The following SCGB1D1 variants were observed in gnomAD, a reference collection of about 807,000 sequenced individuals.
The protein encoded by SCGB1D1 is secretoglobin family 1D member 1, also known as lipophilin A (uteroglobin family member).
SCGB1D1 carries 10 observed loss-of-function variants against 8.3 expected under a neutral mutation model. The ratio of observed to expected loss-of-function variants is 1.21; its 90% CI spans 0.74 to 2.05. The LOEUF is 2.05. Ranked by LOEUF, SCGB1D1 falls within the 30% of genes most tolerant of loss-of-function variation. The probability of loss-of-function intolerance (pLI) is 0.00; values close to 1 mark genes in which losing one functional copy is unlikely to be tolerated. For missense variants in SCGB1D1, 94 were observed against 105.1 expected, an observed-to-expected ratio of 0.89 and a Z score of 0.46; for synonymous variants, 46 against 41.7, an observed-to-expected ratio of 1.10 and a Z score of -0.39.
intron 2 of SCGB1D1, 23 bp downstream of exon 2, chr11:62,192,266 G>A (rs377120339): frequency 1.1e-4 from 173 of 1,588,698 alleles, no homozygotes; most frequent in Non-Finnish European, 1.4e-4. Flanking sequence ...TCTTTCATGT[G>A]TCCAGGCTTC....
Position 62,193,446 on chromosome 11 carries a change from A to G in SCGB1D1, c.*18A>G. ...ATCGCTGAGATGTAAAAAGTTTTTA[A>G]TGCTAGTTTCCACCATCTTTCAATG... On this transcript the variant is annotated 3_prime_UTR_variant, in exon 3 of 3. Coordinates refer to ENST00000306238, the MANE Select transcript of SCGB1D1 (RefSeq NM_006552.2). The G allele has an allele frequency of 6.2e-7, 1 of 1,605,028 alleles. No individual in the cohort carries two copies. Among genetic ancestry groups the G allele is most frequent in the Non-Finnish European group, 8.5e-7 (1 of 1,172,530 alleles).
At chr11:62,191,125 G>A (rs542960106) in intron 1 of SCGB1D1, among the ~76,000 whole-genome samples, 21 of 152,146 alleles carry the variant, frequency 1.4e-4, no homozygotes, top group African/African-American at 4.6e-4. Flanking sequence ...TGTCAGGACC[G>A]ATCCAGACTC....
chr11:62,190,406 C>T (rs1007420747), intron 1 of SCGB1D1, 67 bp downstream of exon 1: 57 of 1,600,030 alleles, frequency 3.6e-5, no homozygotes, highest in Non-Finnish European at 4.9e-5. Flanking sequence ...CACGAGGTCA[C>T]CTATTAAGGT....
intron 1 of SCGB1D1, among the ~76,000 whole-genome samples, chr11:62,191,533 T>C (rs1944677797): frequency 6.6e-6 from 1 of 152,232 alleles, no homozygotes; most frequent in Non-Finnish European, 1.5e-5. Flanking sequence ...CTGTCTGTAT[T>C]GAATCACATA....
At chr11:62,191,774 C>A (rs749056441) in intron 1 of SCGB1D1, among the ~76,000 whole-genome samples, 1 of 152,098 alleles carries the variant, frequency 6.6e-6, no homozygotes, top group Non-Finnish European at 1.5e-5. Flanking sequence ...GAAAAGAGAA[C>A]GTTGGCCATC....
chr11:62,192,264 G>A, intron 2 of SCGB1D1, 21 bp downstream of exon 2: 1 of 1,594,774 alleles, frequency 6.3e-7, no homozygotes, highest in Non-Finnish European at 8.6e-7. Flanking sequence ...TCTCTTTCAT[G>A]TGTCCAGGCT....
chr11:62,190,624 G>T (rs182012471), intron 1 of SCGB1D1, among the ~76,000 whole-genome samples: 2 of 152,260 alleles, frequency 1.3e-5, no homozygotes, highest in East Asian at 1.9e-4. Context: ...GAGGTCTGGG[G>T]TGACTCTGGG....
chr11:62,192,479 T>C (rs887392361), intron 2 of SCGB1D1, among the ~76,000 whole-genome samples: 1 of 152,204 alleles, frequency 6.6e-6, no homozygotes, highest in Non-Finnish European at 1.5e-5. Flanking sequence ...CCTACCTGGA[T>C]GCCGTGTCCC....
At chr11:62,191,563 G>A (rs1220358964) in intron 1 of SCGB1D1, among the ~76,000 whole-genome samples, 1 of 152,112 alleles carries the variant, frequency 6.6e-6, no homozygotes, top group Non-Finnish European at 1.5e-5. Flanking sequence ...TCTACAACTT[G>A]TTCTCAAAAC....
At position 62,192,198 on chromosome 11, in the gene SCGB1D1, G is replaced by A. The variant is rs757304349; in HGVS notation, c.198G>A (p.Val66=). The change falls in exon 2 of 3, where the codon GTG becomes GTA. Residue 66 remains valine (V), a synonymous_variant. Transcript: ENST00000306238. ...CCAAGATGGAAGTGAAGAAATGCGT[G>A]GATACGATGGCCTATGAGAAAAGAG... The part of the protein sequence containing the change: ...VAAKMEVKKC[V]DTMAYEKRVL... 9 of 1,613,206 alleles carry A rather than the reference G, an allele frequency of 5.6e-6. No homozygotes were observed. The highest frequency in any genetic ancestry group is 7.6e-6 in the Non-Finnish European group (9 of 1,179,422).
chr11:62,191,971 G>C (rs1288832074), intron 1 of SCGB1D1, 85 bp from the exon 2 acceptor site: 6 of 1,231,486 alleles, frequency 4.9e-6, no homozygotes, highest in Admixed American at 2.7e-5. Flanking sequence ...AAAACCCTGG[G>C]GTTCCTGTCT....
At chr11:62,191,946 A>AT (rs1273956591) in intron 1 of SCGB1D1, 110 bp from the exon 2 acceptor site, 2 of 930,408 alleles carry the variant, frequency 2.1e-6, no homozygotes, top group Non-Finnish European at 3.1e-6. Flanking sequence ...TGGCATAGTT[A>AT]TTGAATAGAA....
At chr11:62,192,347 C>G (rs2298823) in intron 2 of SCGB1D1, 104 bp downstream of exon 2, 271,082 of 1,002,004 alleles carry the variant, frequency 0.27, 39,461 homozygotes, top group Admixed American at 0.37. Flanking sequence ...TGGTGGGGCA[C>G]CTGCCTTACT....
intron 2 of SCGB1D1, 58 bp from the exon 3 acceptor site, chr11:62,193,341 T>G (rs2098020156): frequency 6.6e-7 from 1 of 1,515,264 alleles, no homozygotes; most frequent in Middle Eastern, 1.7e-4. Context: ...TGTTAACCTG[T>G]TGTCTCCAGG....
At chr11:62,193,058 C>T (rs1477269787) in intron 2 of SCGB1D1, among the ~76,000 whole-genome samples, 1 of 152,186 alleles carries the variant, frequency 6.6e-6, no homozygotes, top group East Asian at 1.9e-4. Context: ...TCCCAGAGGC[C>T]CTCCCAGCCC....
chr11:62,193,470 T>C lies in SCGB1D1; in HGVS notation c.*42T>C, dbSNP rs768288434. 1.7e-5 allele frequency: 26 copies of C among 1,523,830 alleles called. No individual in the cohort carries two copies. Among genetic ancestry groups the C allele is most frequent in the Non-Finnish European group, 2.3e-5 (25 of 1,099,048 alleles). The allele number at this position is 1,523,830 out of a possible 1,614,324, so 94.4% of individuals were successfully genotyped here. ...AATGCTAGTTTCCACCATCTTTCAA[T>C]GATACCCTGATCTTCACTGCAGAAT... On this transcript the variant is annotated 3_prime_UTR_variant, in exon 3 of 3. Transcript: ENST00000306238.
chr11:62,190,307 T>G lies in SCGB1D1; in HGVS notation c.23T>G (p.Leu8Arg). 6.2e-7 allele frequency: 1 copy of G among 1,614,158 alleles called. No individual in the cohort carries two copies. Among genetic ancestry groups the G allele is most frequent in the African/African-American group, 1.3e-5 (1 of 75,038 alleles). Residue 8 changes from leucine (L) to arginine (R), a missense_variant, in exon 1 of 3, where the codon CTG (leucine) becomes CGG (arginine). Physicochemically the swap from Leu to Arg is moderately radical, Grantham distance 102. Transcript: ENST00000306238. MRLSVCL[L>R]LLTLALCCYR... is the part of the protein sequence containing the mutation. ...ACCATGAGGCTGTCGGTGTGTCTCC[T>G]GCTGCTCACGCTGGCCCTTTGCTGC...
chr11:62,193,170 C>T (rs1056805269), intron 2 of SCGB1D1, among the ~76,000 whole-genome samples: 1 of 152,188 alleles, frequency 6.6e-6, no homozygotes, highest in Non-Finnish European at 1.5e-5. Context: ...CTCTGTCCCC[C>T]CTCTATGAGG....
chr11:62,192,035 A>G (rs1193312282), intron 1 of SCGB1D1, 21 bp from the exon 2 acceptor site: 2 of 1,578,078 alleles, frequency 1.3e-6, no homozygotes. Flanking sequence ...CACAAATTAT[A>G]TTTTTATTCT....
Sources: gnomAD v4.1 joint callset for allele counts (sites outside exome capture counted in the v4.1 genomes callset) on GRCh38, gnomAD v4.1.1 for gene constraint, MANE v1.5 for transcripts, NCBI Gene and HGNC (gene_info 2026-07-23, HGNC 2026-07-21) for gene names.